The following RALYL variants were observed in gnomAD, a reference collection of about 807,000 sequenced individuals.
The protein encoded by RALYL is RNA-binding Raly-like protein.
Under a neutral mutation model 35.1 loss-of-function variants are expected in RALYL, and 29 were observed. The observed-to-expected ratio is 0.83, with a 90% CI of 0.61 to 1.13. RALYL has a LOEUF of 1.13. Ranked by LOEUF, RALYL falls within the 50% of genes most tolerant of loss-of-function variation. The pLI is 0.00. For missense variants in RALYL, 359 were observed against 360.4 expected, an observed-to-expected ratio of 1.00 and a Z score of 0.03; for synonymous variants, 120 against 127.6, an observed-to-expected ratio of 0.94 and a Z score of 0.40.
chr8:84,822,793 G>A (rs983828089), intron 4 of RALYL, among the ~76,000 whole-genome samples: 9 of 152,070 alleles, frequency 5.9e-5, no homozygotes, highest in Non-Finnish European at 1.3e-4. Flanking sequence ...AACAGTACCC[G>A]CCAAACTACA....
chr8:84,487,388 T>A (rs1325602182), intron 1 of RALYL, among the ~76,000 whole-genome samples: 1 of 152,074 alleles, frequency 6.6e-6, no homozygotes, highest in African/African-American at 2.4e-5. Flanking sequence ...TTTAAAAGAA[T>A]TTTTTAATAC....
chr8:84,439,973 T>C (rs1001811299), intron 1 of RALYL, among the ~76,000 whole-genome samples: 3 of 152,134 alleles, frequency 2.0e-5, no homozygotes, highest in Non-Finnish European at 2.9e-5. Context: ...GCAGTTATAA[T>C]TGGTTTCAGT....
intron 1 of RALYL, among the ~76,000 whole-genome samples, chr8:84,521,837 T>C (rs2058483332): frequency 6.6e-6 from 1 of 152,176 alleles, no homozygotes; most frequent in Non-Finnish European, 1.5e-5. Flanking sequence ...CAATTATATA[T>C]TTATTTTTGC....
intron 2 of RALYL, among the ~76,000 whole-genome samples, chr8:84,688,405 A>G (rs72681008): frequency 3.5e-4 from 53 of 152,288 alleles, no homozygotes; most frequent in Admixed American, 1.7e-3. Context: ...GGAACAAAAG[A>G]GAGAACCCAG....
At chr8:84,407,310 C>A (rs1377849859) in intron 1 of RALYL, among the ~76,000 whole-genome samples, 4 of 152,104 alleles carry the variant, frequency 2.6e-5, no homozygotes, top group African/African-American at 9.7e-5. Context: ...CTTTCCTCAT[C>A]ATGGGGAATA....
chr8:84,275,854 T>G (rs1335083061), intron 1 of RALYL, among the ~76,000 whole-genome samples: 1 of 152,162 alleles, frequency 6.6e-6, no homozygotes, highest in African/African-American at 2.4e-5. Context: ...TTTACAAATG[T>G]CATGCTTGAA....
At chr8:84,810,139 T>G (rs1480624538) in intron 4 of RALYL, among the ~76,000 whole-genome samples, 1 of 152,186 alleles carries the variant, frequency 6.6e-6, no homozygotes, top group Non-Finnish European at 1.5e-5. Flanking sequence ...AACTTTCCTC[T>G]TAGCACCACC....
At chr8:84,467,027 C>G (rs1287110654) in intron 1 of RALYL, among the ~76,000 whole-genome samples, 1 of 152,066 alleles carries the variant, frequency 6.6e-6, no homozygotes, top group Non-Finnish European at 1.5e-5. Context: ...TTTGATTCTT[C>G]TCTCTTTTTT....
At chr8:84,858,462 A>G (rs1346927024) in intron 5 of RALYL, among the ~76,000 whole-genome samples, 4 of 152,182 alleles carry the variant, frequency 2.6e-5, no homozygotes, top group Non-Finnish European at 5.9e-5. Context: ...CTATTAAAGG[A>G]AAGGAGTGGA....
intron 4 of RALYL, among the ~76,000 whole-genome samples, chr8:84,846,837 T>C (rs564313123): frequency 1.3e-5 from 2 of 152,336 alleles, no homozygotes; most frequent in East Asian, 3.9e-4. Context: ...CTTTTGTATT[T>C]CTGTGGGATT....
intron 1 of RALYL, among the ~76,000 whole-genome samples, chr8:84,414,269 C>G (rs2044394747): frequency 6.6e-6 from 1 of 152,004 alleles, no homozygotes; most frequent in Admixed American, 6.6e-5. Context: ...AATACTTTGC[C>G]ATTTTTGTTC....
intron 1 of RALYL, among the ~76,000 whole-genome samples, chr8:84,301,314 A>T (rs1840738695): frequency 6.6e-6 from 1 of 151,936 alleles, no homozygotes; most frequent in South Asian, 2.1e-4. Context: ...CCTTAAAAAA[A>T]ATTTTTTTTT....
intron 2 of RALYL, among the ~76,000 whole-genome samples, chr8:84,648,562 A>C (rs780610483): frequency 3.3e-5 from 5 of 152,024 alleles, no homozygotes; most frequent in Non-Finnish European, 7.4e-5. Context: ...CGGGTGAACT[A>C]TTAACATAAG....
At chr8:84,259,131 G>A (rs933787663) in intron 1 of RALYL, among the ~76,000 whole-genome samples, 9 of 152,030 alleles carry the variant, frequency 5.9e-5, no homozygotes, top group South Asian at 2.1e-4. Flanking sequence ...ATGTTCCATC[G>A]TTCTCTGGAG....
intron 2 of RALYL, among the ~76,000 whole-genome samples, chr8:84,671,461 T>A (rs1833224165): frequency 6.6e-6 from 1 of 152,184 alleles, no homozygotes; most frequent in African/African-American, 2.4e-5. Flanking sequence ...CACTGCCCTG[T>A]CAGAGGTTCT....
chr8:84,680,025 C>T (rs1205862009), intron 2 of RALYL, among the ~76,000 whole-genome samples: 35 of 152,016 alleles, frequency 2.3e-4, no homozygotes, highest in Admixed American at 3.3e-4. Flanking sequence ...CGACAGGCCC[C>T]GGTGTGTGAT....
intron 4 of RALYL, among the ~76,000 whole-genome samples, chr8:84,831,275 G>A (rs1221603009): frequency 1.3e-5 from 2 of 152,126 alleles, no homozygotes; most frequent in African/African-American, 4.8e-5. Context: ...AAGACAAAAG[G>A]TAAAATCGAA....
At chr8:84,372,896 T>TTTTGTTTTG (rs1422275231) in intron 1 of RALYL, among the ~76,000 whole-genome samples, 6 of 127,332 alleles carry the variant, frequency 4.7e-5, no homozygotes, top group Non-Finnish European at 8.3e-5. Flanking sequence ...GTTTTTTTTT[T>TTTTGTTTTG]TTTTTTTTTT....
chr8:84,269,716 G>A (rs138676987), intron 1 of RALYL, among the ~76,000 whole-genome samples: 1 of 151,916 alleles, frequency 6.6e-6, no homozygotes, highest in Non-Finnish European at 1.5e-5. Context: ...GAGTGTTTGT[G>A]ATATAATACT....
Sources: gnomAD v4.1 joint callset for allele counts (sites outside exome capture counted in the v4.1 genomes callset) on GRCh38, gnomAD v4.1.1 for gene constraint, MANE v1.5 for transcripts, NCBI Gene and HGNC (gene_info 2026-07-23, HGNC 2026-07-21) for gene names.